The following MIR2052HG variants were observed in gnomAD, a reference collection of about 807,000 sequenced individuals.
The protein encoded by MIR2052HG is MIR2052 host gene.
intron 2 of MIR2052HG, among the ~76,000 whole-genome samples, chr8:74,690,292 A>G (rs1809225920): frequency 6.6e-6 from 1 of 152,200 alleles, no homozygotes; most frequent in Non-Finnish European, 1.5e-5. Context: ...GTTTTCTGAA[A>G]GACCTGTCAT....
chr8:74,685,862 C>T (rs1352248260), intron 2 of MIR2052HG, among the ~76,000 whole-genome samples: 1 of 152,008 alleles, frequency 6.6e-6, no homozygotes, highest in Non-Finnish European at 1.5e-5. Flanking sequence ...ATAAAATATA[C>T]TAGTTTCCAA....
intron 4 of MIR2052HG, among the ~76,000 whole-genome samples, chr8:74,722,048 G>C (rs1809582899): frequency 6.6e-6 from 1 of 152,106 alleles, no homozygotes; most frequent in African/African-American, 2.4e-5. Flanking sequence ...AAATTAGCTG[G>C]ACATGTGGTC....
At chr8:74,617,334 C>T (rs1008469637) in intron 2 of MIR2052HG, among the ~76,000 whole-genome samples, 1 of 152,042 alleles carries the variant, frequency 6.6e-6, no homozygotes, top group African/African-American at 2.4e-5. Context: ...TAAGTGAGAA[C>T]ATGCAGTATT....
chr8:74,648,845 GATAAT>G, intron 2 of MIR2052HG, among the ~76,000 whole-genome samples: 1 of 152,274 alleles, frequency 6.6e-6, no homozygotes, highest in Non-Finnish European at 1.5e-5. Flanking sequence ...GTTTAAAAAA[GATAAT>G]ATAAGGAAAA....
At chr8:74,747,754 A>G (rs1194058442) in intron 4 of MIR2052HG, among the ~76,000 whole-genome samples, 4 of 152,174 alleles carry the variant, frequency 2.6e-5, no homozygotes, top group Admixed American at 6.5e-5. Context: ...TTGGAAGACA[A>G]TGTATTAGGA....
intron 2 of MIR2052HG, among the ~76,000 whole-genome samples, chr8:74,653,401 A>T (rs1808772475): frequency 6.6e-6 from 1 of 151,982 alleles, no homozygotes; most frequent in South Asian, 2.1e-4. Flanking sequence ...GACATACATA[A>T]TTTTTTTTAA....
chr8:74,744,796 A>T (rs1809867500), intron 4 of MIR2052HG, among the ~76,000 whole-genome samples: 1 of 152,152 alleles, frequency 6.6e-6, no homozygotes, highest in African/African-American at 2.4e-5. Flanking sequence ...TTACTTCATC[A>T]GGAAAATAAA....
intron 2 of MIR2052HG, among the ~76,000 whole-genome samples, chr8:74,669,967 A>G (rs1808973067): frequency 6.6e-6 from 1 of 152,188 alleles, no homozygotes. Context: ...AATTAAGGTC[A>G]AATGAGGTCT....
chr8:74,637,686 C>T (rs1808597935), intron 2 of MIR2052HG, among the ~76,000 whole-genome samples: 1 of 152,136 alleles, frequency 6.6e-6, no homozygotes, highest in East Asian at 1.9e-4. Context: ...CCCCTACTCT[C>T]CTCCCTCCTT....
intron 4 of MIR2052HG, among the ~76,000 whole-genome samples, chr8:74,744,404 C>T (rs886207697): frequency 6.6e-6 from 1 of 151,202 alleles, no homozygotes; most frequent in Non-Finnish European, 1.5e-5. Flanking sequence ...ATACATGTGC[C>T]ATGCTGGTGT....
intron 5 of MIR2052HG, among the ~76,000 whole-genome samples, chr8:74,752,792 C>A (rs548351424): frequency 7.3e-4 from 111 of 152,206 alleles, no homozygotes; most frequent in African/African-American, 2.6e-3. Flanking sequence ...TGGCTATGGA[C>A]CAGAACTGAA....
At chr8:74,695,025 C>T (rs1257149366) in intron 2 of MIR2052HG, among the ~76,000 whole-genome samples, 2 of 152,224 alleles carry the variant, frequency 1.3e-5, no homozygotes, top group Admixed American at 1.3e-4. Context: ...ACGTAGTCAT[C>T]AGGTTATCTA....
chr8:74,646,786 G>A (rs1808693263), intron 2 of MIR2052HG, among the ~76,000 whole-genome samples: 1 of 152,004 alleles, frequency 6.6e-6, no homozygotes, highest in Non-Finnish European at 1.5e-5. Flanking sequence ...AAATTATCTG[G>A]GTGTGCTGGT....
At chr8:74,672,286 A>G (rs995573906) in intron 2 of MIR2052HG, among the ~76,000 whole-genome samples, 15 of 152,110 alleles carry the variant, frequency 9.9e-5, no homozygotes. Flanking sequence ...TAAATAATAC[A>G]CAGCACATTC....
chr8:74,736,381 C>G lies in MIR2052HG; in HGVS notation n.372-16060C>G, dbSNP rs562135433. Among the ~76,000 whole-genome samples, 3 of 152,160 alleles carry G rather than the reference C, an allele frequency of 2.0e-5. No individual in the cohort carries two copies. In the East Asian group the frequency reaches 5.8e-4, roughly 29 times the overall value. ...ATTTTACCTGGTCATTTTGAAAGAG[C>G]CATACAAAATTTATCTACAACATTT... is the stretch of plus-strand genomic sequence containing the variant. On this transcript the variant is annotated intron_variant and non_coding_transcript_variant, in intron 4 of 6. Coordinates refer to ENST00000523442, the Ensembl canonical transcript of MIR2052HG.
intron 4 of MIR2052HG, among the ~76,000 whole-genome samples, chr8:74,720,813 G>T (rs1169765782): frequency 6.6e-6 from 1 of 152,004 alleles, no homozygotes; most frequent in Non-Finnish European, 1.5e-5. Context: ...TTACCATCAT[G>T]GCGGAAAGCA....
Position 74,602,873 on chromosome 8 carries a change from C to CTTTCTTTCTTTCTTTT in MIR2052HG, n.128+2968_128+2969insCTTTCTTTCTTTTTTT, listed in dbSNP as rs940052573. Among the ~76,000 whole-genome samples the CTTTCTTTCTTTCTTTT allele has an allele frequency of 1.7e-3, 239 of 138,770 alleles. 6 individuals are homozygous for CTTTCTTTCTTTCTTTT. Among genetic ancestry groups the CTTTCTTTCTTTCTTTT allele is most frequent in the African/African-American group, 6.1e-3 (223 of 36,690 alleles). 91.0% of individuals were successfully genotyped at this position (138,770 alleles called of 152,430 possible). A position where few individuals can be genotyped will look rare whatever the true frequency, so the allele number is the denominator to read the frequency against. On this transcript the variant is annotated intron_variant and non_coding_transcript_variant, in intron 1 of 6. Coordinates refer to ENST00000523442, the Ensembl canonical transcript of MIR2052HG. ...TCTTTCTTTCTTTCTTTCTTTCTTT[C>CTTTCTTTCTTTCTTTT]TTTTTTCTATTCACAAAGAAAAAGC...
At chr8:74,658,553 T>G (rs1420049372) in intron 2 of MIR2052HG, among the ~76,000 whole-genome samples, 2 of 151,968 alleles carry the variant, frequency 1.3e-5, no homozygotes, top group Admixed American at 6.6e-5. Context: ...ACCCGGCTAA[T>G]TTTTGTATTT....
At chr8:74,701,976 G>A (rs1809362737) in intron 2 of MIR2052HG, among the ~76,000 whole-genome samples, 1 of 152,014 alleles carries the variant, frequency 6.6e-6, no homozygotes, top group African/African-American at 2.4e-5. Flanking sequence ...AAATCTTTGA[G>A]GCATTGCATT....
Sources: gnomAD v4.1 joint callset for allele counts (sites outside exome capture counted in the v4.1 genomes callset) on GRCh38, gnomAD v4.1.1 for gene constraint, MANE v1.5 for transcripts, NCBI Gene and HGNC (gene_info 2026-07-23, HGNC 2026-07-21) for gene names.